Variants in SLC25A21 observed in about 807,000 individuals in gnomAD.
SLC25A21 encodes the protein solute carrier family 25 member 21, also known as mitochondrial 2-oxodicarboxylate carrier.
SLC25A21 carries 47 observed loss-of-function variants against 43.8 expected under a neutral mutation model. The ratio of observed to expected loss-of-function variants is 1.07; its 90% CI spans 0.85 to 1.37. The LOEUF is 1.37. SLC25A21 is among the 40% of genes most tolerant of loss of function. SLC25A21 has a pLI of 0.00. For missense variants in SLC25A21, 352 were observed against 350.2 expected, an observed-to-expected ratio of 1.00 and a Z score of -0.04; for synonymous variants, 131 against 121.3, an observed-to-expected ratio of 1.08 and a Z score of -0.52.
intron 3 of SLC25A21, among the ~76,000 whole-genome samples, chr14:36,755,030 TTTAAAA>T (rs1194991213): frequency 6.6e-6 from 1 of 152,062 alleles, no homozygotes; most frequent in Non-Finnish European, 1.5e-5. Context: ...AAAATAAAAA[TTTAAAA>T]TTAAAATCAC....
intron 1 of SLC25A21, among the ~76,000 whole-genome samples, chr14:36,904,894 A>T (rs541622605): frequency 1.6e-4 from 25 of 152,252 alleles, no homozygotes; most frequent in African/African-American, 6.0e-4. Flanking sequence ...ACACAGCCAA[A>T]TCATATCACT....
intron 9 of SLC25A21, among the ~76,000 whole-genome samples, chr14:36,683,465 G>A (rs985882363): frequency 2.0e-5 from 3 of 152,208 alleles, no homozygotes; most frequent in Non-Finnish European, 4.4e-5. Flanking sequence ...AGGAGCACGA[G>A]GAAACGTTTG....
At chr14:36,840,494 C>T (rs918384551) in intron 2 of SLC25A21, among the ~76,000 whole-genome samples, 1 of 152,096 alleles carries the variant, frequency 6.6e-6, no homozygotes, top group African/African-American at 2.4e-5. Flanking sequence ...AAAACGTTTC[C>T]CCCAAATGGG....
chr14:36,922,625 C>T (rs1335142996), intron 1 of SLC25A21, among the ~76,000 whole-genome samples: 2 of 151,642 alleles, frequency 1.3e-5, no homozygotes, highest in Non-Finnish European at 2.9e-5. Context: ...GGAGTTGGAG[C>T]TAAAATATCC....
intron 1 of SLC25A21, among the ~76,000 whole-genome samples, chr14:37,000,714 T>C (rs1402169022): frequency 6.6e-6 from 1 of 152,168 alleles, no homozygotes; most frequent in African/African-American, 2.4e-5. Flanking sequence ...GATTGGATCA[T>C]GTGAGTGGGT....
At chr14:37,159,760 A>C (rs1566921716) in intron 1 of SLC25A21, among the ~76,000 whole-genome samples, 1 of 152,216 alleles carries the variant, frequency 6.6e-6, no homozygotes. Context: ...GCATAGCAAA[A>C]GAAATAATCA....
chr14:37,037,681 G>C (rs1961358173), intron 1 of SLC25A21, among the ~76,000 whole-genome samples: 1 of 152,050 alleles, frequency 6.6e-6, no homozygotes, highest in Non-Finnish European at 1.5e-5. Flanking sequence ...CATTTCAGCA[G>C]TATCTTATTC....
chr14:36,861,340 G>A (rs931340074), intron 2 of SLC25A21, among the ~76,000 whole-genome samples: 8 of 152,150 alleles, frequency 5.3e-5, no homozygotes, highest in South Asian at 2.1e-4. Flanking sequence ...ATAGCCTTCC[G>A]CTGTGCTAGA....
intron 2 of SLC25A21, among the ~76,000 whole-genome samples, chr14:36,817,317 A>G (rs848079): frequency 0.96 from 146,044 of 152,212 alleles, 70,355 homozygotes; most frequent in East Asian, 1. Flanking sequence ...TTTCTGCAGA[A>G]GTTCAGCAAG....
At chr14:36,750,593 C>T (rs1465662603) in intron 3 of SLC25A21, among the ~76,000 whole-genome samples, 1 of 152,114 alleles carries the variant, frequency 6.6e-6, no homozygotes, top group African/African-American at 2.4e-5. Flanking sequence ...TATTTCCCTC[C>T]TGAAAACATG....
chr14:37,124,550 T>A (rs575244386), intron 1 of SLC25A21, among the ~76,000 whole-genome samples: 23 of 152,346 alleles, frequency 1.5e-4, no homozygotes, highest in Admixed American at 3.9e-4. Flanking sequence ...GGCTGTGCTA[T>A]AATGATTCCT....
intron 1 of SLC25A21, among the ~76,000 whole-genome samples, chr14:36,971,548 C>A (rs1270711882): frequency 1.3e-5 from 2 of 152,008 alleles, no homozygotes; most frequent in Non-Finnish European, 2.9e-5. Context: ...CTAGATAAAC[C>A]AGACACCACC....
Position 36,931,246 on chromosome 14 carries a change from G to A in SLC25A21, c.71-56242C>T, listed in dbSNP as rs551040987. On this transcript the variant is annotated intron_variant, in intron 1 of 9. Transcript: ENST00000331299. ...AATCATAAATATCACTCCCAACAGC[G>A]AGTAGGAAATTGTTTCTCTGGGGAA... Among the ~76,000 whole-genome samples the A allele has an allele frequency of 1.5e-3, 236 of 152,262 alleles. 1 individual carries two copies. Among genetic ancestry groups the A allele is most frequent in the African/African-American group, 5.3e-3 (222 of 41,554 alleles).
Position 36,680,699 on chromosome 14 carries a change from C to T in SLC25A21, c.859G>A (p.Val287Ile), listed in dbSNP as rs749961110. The change falls in exon 10 of 10, where the codon GTT (valine) becomes ATT (isoleucine). Residue 287 changes from valine to isoleucine, a missense_variant. Coordinates refer to ENST00000331299, the MANE Select transcript of SLC25A21 (RefSeq NM_030631.4). ...LGPGGAVMLL[V>I]YEYTYSWLQE... ...AGCCATGAATAGGTGTATTCATAAA[C>T]CAGCAGCATCACTGCACCACCTAGA... 8 of 1,612,818 alleles carry T rather than the reference C, an allele frequency of 5.0e-6. No individual in the cohort carries two copies. The East Asian group carries it at 1.8e-4, about 36-fold the overall frequency.
At chr14:36,798,183 C>T (rs1283223494) in intron 3 of SLC25A21, among the ~76,000 whole-genome samples, 1 of 152,116 alleles carries the variant, frequency 6.6e-6, no homozygotes, top group African/African-American at 2.4e-5. Flanking sequence ...CAGACCCCTA[C>T]TTTAGTGTCT....
chr14:36,856,304 C>A (rs544720250), intron 2 of SLC25A21, among the ~76,000 whole-genome samples: 48 of 152,286 alleles, frequency 3.2e-4, no homozygotes, highest in South Asian at 1.2e-3. Flanking sequence ...CTCTCCCTCT[C>A]TCGAGCTTGT....
At chr14:36,776,219 T>A (rs1886817093) in intron 3 of SLC25A21, among the ~76,000 whole-genome samples, 1 of 110,662 alleles carries the variant, frequency 9.0e-6, no homozygotes, top group South Asian at 2.9e-4. Flanking sequence ...CTTTCTTTTT[T>A]CTTTTTCTTT....
At chr14:36,814,412 TA>T (rs1380883523) in intron 2 of SLC25A21, among the ~76,000 whole-genome samples, 6 of 152,050 alleles carry the variant, frequency 3.9e-5, no homozygotes, top group Non-Finnish European at 8.8e-5. Flanking sequence ...GTATGAAGGT[TA>T]AAAATACAGA....
intron 2 of SLC25A21, among the ~76,000 whole-genome samples, chr14:36,865,328 A>G (rs1318349514): frequency 1.3e-5 from 2 of 152,034 alleles, no homozygotes; most frequent in African/African-American, 2.4e-5. Flanking sequence ...CACCCCTCAG[A>G]GCCATTTACC....
Sources: allele counts gnomAD v4.1 joint callset (sites outside exome capture counted in the v4.1 genomes callset), GRCh38; gene constraint gnomAD v4.1.1; transcripts MANE v1.5; gene names NCBI Gene and HGNC (gene_info 2026-07-23, HGNC 2026-07-21).